ASPM: variants seen among roughly 807,000 people sequenced by gnomAD.
ASPM encodes abnormal spindle-like microcephaly-associated protein.
ASPM carries 256 observed loss-of-function variants against 366.4 expected under a neutral mutation model. The ratio of observed to expected loss-of-function variants is 0.70; its 90% CI spans 0.63 to 0.77. The LOEUF (loss-of-function observed/expected upper bound fraction) is 0.77. Ranked by LOEUF, ASPM falls within the 30% of genes least tolerant of loss-of-function variation. The pLI, the probability that ASPM is intolerant of heterozygous loss-of-function variation, is 0.00. For synonymous variants in ASPM, 1,414 were observed against 1,342.9 expected (o/e 1.05, Z -1.16); for missense variants, 4,146 against 4,090.4 (o/e 1.01, Z -0.37).
chr1:197,124,033 C>T (rs1657998863), intron 13 of ASPM, 77 bp downstream of exon 13: 1 of 1,250,968 alleles, frequency 8.0e-7, no homozygotes, highest in Non-Finnish European at 1.1e-6. Flanking sequence ...GAAAAGACTT[C>T]AGGCATTAAG....
Position 197,142,709 on chromosome 1 carries a change from G to T in ASPM, c.1543C>A (p.Pro515Thr), listed in dbSNP as rs1204908240. 6.2e-7 allele frequency: 1 copy of T among 1,613,714 alleles called. No homozygotes were observed. The highest frequency in any genetic ancestry group is 1.1e-5 in the South Asian group (1 of 91,048). The change falls in exon 3 of 28, where the codon CCA becomes ACA. Residue 515 changes from proline (P) to threonine (T), a missense_variant. Transcript: ENST00000367409. ...CTGTTGAGACATCTTTTTGCTTTTG[G>T]TTTATTAATCTCAGTTTGGTTTTCT... is the stretch of plus-strand genomic sequence containing the variant. ...TRENQTEINK[P>T]KAKRCLNSAV...
chr1:197,129,071 C>A, intron 9 of ASPM, 116 bp downstream of exon 9: 2 of 1,195,444 alleles, frequency 1.7e-6, no homozygotes, highest in Non-Finnish European at 2.4e-6. Flanking sequence ...TTTTACTCCT[C>A]TGAGTATTAT....
At position 197,129,821 on chromosome 1, in the gene ASPM, T is replaced by C. The variant is rs1024030204; in HGVS notation, c.2629+94A>G. 8.8e-6 allele frequency: 13 copies of C among 1,471,590 alleles called. No homozygotes were observed. In the South Asian group the frequency reaches 1.4e-4, roughly 16 times the overall value. The allele number at this position is 1,471,590 out of a possible 1,614,324, so 91.2% of individuals were successfully genotyped here. ...CAGAGACTTATTTAGATTGGTTTCT[T>C]TGAGAAAGGAAAATGTAAACAGAAA... is the stretch of plus-strand genomic sequence containing the variant. On this transcript the variant is annotated intron_variant, in intron 8 of 27. Transcript: ENST00000367409.
At chr1:197,141,518 T>A (rs1013536030) in intron 3 of ASPM, among the ~76,000 whole-genome samples, 6 of 152,190 alleles carry the variant, frequency 3.9e-5, no homozygotes, top group African/African-American at 1.4e-4. Context: ...GTTCTATGAA[T>A]TGAACATTTA....
In ASPM at chr1:197,101,121, T is replaced by C. The variant is rs1409493809; in HGVS notation, c.8130A>G (p.Thr2710=). The C allele has an allele frequency of 6.2e-7, 1 of 1,612,254 alleles. No individual in the cohort carries two copies. The highest frequency in any genetic ancestry group is 1.1e-5 in the South Asian group (1 of 91,046). The change falls in exon 18 of 28, where the codon ACA becomes ACG. Residue 2710 remains threonine (T), a synonymous_variant. Coordinates refer to ENST00000367409, the MANE Select transcript of ASPM (RefSeq NM_018136.5). ...GTATAACCACAATTGCAGTTTTCTT[T>C]GTTTCATAATCAACTTTGGCCCTGT... The part of the protein sequence containing the change: ...RMHRAKVDYE[T]KKTAIVVIQN...
At chr1:197,109,362 G>A (rs1657514066) in intron 17 of ASPM, among the ~76,000 whole-genome samples, 1 of 151,952 alleles carries the variant, frequency 6.6e-6, no homozygotes, top group South Asian at 2.1e-4. Flanking sequence ...TTTTATCCTT[G>A]GAATGTAAGT....
intron 17 of ASPM, among the ~76,000 whole-genome samples, chr1:197,105,555 A>G (rs2125097076): frequency 6.6e-6 from 1 of 152,108 alleles, no homozygotes; most frequent in Non-Finnish European, 1.5e-5. Flanking sequence ...TCTGGGCCTT[A>G]TATGGTCCCC....
intron 5 of ASPM, among the ~76,000 whole-genome samples, chr1:197,134,120 A>C (rs1018140536): frequency 2.6e-5 from 4 of 152,142 alleles, no homozygotes; most frequent in African/African-American, 9.6e-5. Context: ...AAATCCAGCC[A>C]GGTACAATTG....
At chr1:197,091,361 T>C (rs1335018343) in intron 22 of ASPM, among the ~76,000 whole-genome samples, 1 of 152,020 alleles carries the variant, frequency 6.6e-6, no homozygotes. Flanking sequence ...TATATGTAAA[T>C]GTATGTTAAT....
chr1:197,128,343 G>GAAAAA, intron 10 of ASPM, 147 bp downstream of exon 10: 64 of 564,084 alleles, frequency 1.1e-4, no homozygotes, highest in Non-Finnish European at 1.6e-4. Context: ...CCACTTCCCT[G>GAAAAA]AAAAAAAAAA....
chr1:197,118,100 C>T, intron 16 of ASPM, 117 bp from the exon 17 acceptor site: 1 of 963,198 alleles, frequency 1.0e-6, no homozygotes, highest in South Asian at 1.4e-5. Context: ...ATAAAACACC[C>T]CTACACTTCT....
rs1339351270 is a variant in ASPM at position 197,088,430 on chromosome 1, A to G, written c.9987T>C (p.Tyr3329=). 3 of 1,591,390 alleles carry G rather than the reference A, an allele frequency of 1.9e-6. No homozygotes were observed. The highest frequency in any genetic ancestry group is 2.2e-5 in the South Asian group (2 of 90,410). The change falls in exon 26 of 28, where the codon TAT becomes TAC. Residue 3329 remains tyrosine (Y), a splice_region_variant and synonymous_variant. Transcript: ENST00000367409. Reference sequence around the variant, plus strand: ...CATAAACTGCTGAAGTAGTTTTCTCATACTTGAAGAGAACAGAATGAAATT... The same window carrying G: ...CATAAACTGCTGAAGTAGTTTTCTCGTACTTGAAGAGAACAGAATGAAATT... ...AVQVLLNVSK[Y]EKTTSAVYDV...
intron 8 of ASPM, 60 bp from the exon 9 acceptor site, chr1:197,129,377 A>G: frequency 6.5e-7 from 1 of 1,530,208 alleles, no homozygotes; most frequent in Non-Finnish European, 9.0e-7. Context: ...TTTCATCTTA[A>G]AATATGATAA....
chr1:197,092,404 T>C (rs1426687264), intron 21 of ASPM, among the ~76,000 whole-genome samples: 1 of 151,802 alleles, frequency 6.6e-6, no homozygotes, highest in Non-Finnish European at 1.5e-5. Context: ...TTGGAAATGG[T>C]GATATTAAAT....
In ASPM at chr1:197,104,413, T is replaced by C; in HGVS notation, c.4838A>G (p.Gln1613Arg). Residue 1613 changes from glutamine to arginine, a missense_variant, in exon 18 of 28, where the codon CAG becomes CGG. Physicochemically the swap from Gln to Arg is conservative, Grantham distance 43. This residue lies in a region of ASPM where 3,624 missense variants were observed against 3,591.7 expected (regional missense o/e 1.01). Transcript: ENST00000367409. ...AAAAATATAAGCTCGGAAATGAGTC[T>C]GAATTATAACAGCTGCTTTCTTCAT... The part of the protein sequence containing the change: ...KKMKKAAVII[Q>R]THFRAYIFAM... 1 of 1,613,130 alleles carries C rather than the reference T, an allele frequency of 6.2e-7. No individual in the cohort carries two copies. Among genetic ancestry groups the C allele is most frequent in the Non-Finnish European group, 8.5e-7 (1 of 1,179,436 alleles).
At position 197,104,690 on chromosome 1, in the gene ASPM, AG is replaced by A. The variant is rs1402437185; in HGVS notation, c.4560del (p.Tyr1521ThrfsTer5). On this transcript the variant is annotated frameshift_variant, in exon 18 of 28. Transcript: ENST00000367409. LOFTEE classifies it high-confidence loss of function. The stretch of plus-strand genomic sequence containing the variant: ...ATCTTTCCTTTCAGATATGCTTTGT[AG>A]TACTTCTGGATGGTTAGTATGGACT... ...RKESILTIQKYYKAYLKGKIE... is the reference protein window; with the variant it reads ...RKESILTIQKXYKAYLKGKIE... 14 of 1,612,982 alleles carry A rather than the reference AG, an allele frequency of 8.7e-6. No individual in the cohort carries two copies. Among genetic ancestry groups the A allele is most frequent in the Non-Finnish European group, 9.3e-6 (11 of 1,179,424 alleles).
intron 6 of ASPM, among the ~76,000 whole-genome samples, chr1:197,132,615 C>A (rs1658296362): frequency 6.6e-6 from 1 of 151,932 alleles, no homozygotes; most frequent in South Asian, 2.1e-4. Context: ...GAGATACCTG[C>A]ATTCTTATGT....
At chr1:197,090,695 A>G (rs894914901) in intron 23 of ASPM, among the ~76,000 whole-genome samples, 155 bp downstream of exon 23, 3 of 152,164 alleles carry the variant, frequency 2.0e-5, no homozygotes, top group Non-Finnish European at 4.4e-5. Flanking sequence ...TAAAGAGCTT[A>G]GCAATGAAAT....
intron 17 of ASPM, among the ~76,000 whole-genome samples, chr1:197,115,504 ATTTAC>A (rs1657713869): frequency 6.6e-6 from 1 of 152,144 alleles, no homozygotes; most frequent in South Asian, 2.1e-4. Context: ...AAGGTTTTCA[ATTTAC>A]TTTACCCAGA....
Sources: gnomAD v4.1 joint callset for allele counts (sites outside exome capture counted in the v4.1 genomes callset) on GRCh38, gnomAD v4.1.1 for gene constraint, gnomAD v4.1.1 regional missense constraint, MANE v1.5 for transcripts, NCBI Gene and HGNC (gene_info 2026-07-23, HGNC 2026-07-21) for gene names.